IQGAP1: variants seen among roughly 807,000 people sequenced by gnomAD.
IQGAP1 encodes the protein IQ motif containing GTPase activating protein 1.
Under a neutral mutation model 215.6 loss-of-function variants are expected in IQGAP1, and 66 were observed. The ratio of observed to expected loss-of-function variants is 0.31; its 90% confidence interval spans 0.25 to 0.38. IQGAP1 has a LOEUF of 0.38. Among genes scored for constraint, IQGAP1 ranks in the 10% least tolerant of loss-of-function variants. The probability of loss-of-function intolerance (pLI) is 1.00; values close to 1 mark genes in which losing one functional copy is unlikely to be tolerated. For synonymous variants in IQGAP1, 772 were observed against 728.7 expected (o/e 1.06, Z -0.96); for missense variants, 1,712 against 1,997.1 (o/e 0.86, Z 2.72).
At chr15:90,474,223 G>T in intron 22 of IQGAP1, 90 bp downstream of exon 22, 3 of 1,194,992 alleles carry the variant, frequency 2.5e-6, no homozygotes, top group Non-Finnish European at 3.5e-6. Context: ...TTGTTATCCT[G>T]AAGGCAAGGC....
At chr15:90,475,022 G>A (rs570686303) in intron 23 of IQGAP1, among the ~76,000 whole-genome samples, 107 of 121,756 alleles carry the variant, frequency 8.8e-4, no homozygotes, top group Non-Finnish European at 1.5e-3. Context: ...TTTTGCTGAC[G>A]GAGTTTCCCT....
Position 90,462,099 on chromosome 15 carries a change from T to TGG in IQGAP1, c.1777-3901_1777-3900dup, listed in dbSNP as rs570217655. On this transcript the variant is annotated intron_variant, in intron 15 of 37. Transcript: ENST00000268182. ...AGGAGAATGGCATGAACCCAGGAGG[T>TGG]GGAGCTTGCAGTGAGCCAAGATCGG... 8.0e-5 allele frequency among the ~76,000 whole-genome samples: 12 copies of TGG among 149,462 alleles called. No individual in the cohort carries two copies. In the East Asian group the frequency reaches 2.4e-3, roughly 30 times the overall value.
chr15:90,442,709 C>T (rs1965468670), intron 8 of IQGAP1, among the ~76,000 whole-genome samples: 1 of 151,908 alleles, frequency 6.6e-6, no homozygotes, highest in African/African-American at 2.4e-5. Context: ...GATGTGCTGC[C>T]CCTAATCCCA....
intron 1 of IQGAP1, among the ~76,000 whole-genome samples, chr15:90,390,313 G>A (rs2440793): frequency 2.3e-4 from 35 of 152,332 alleles, no homozygotes; most frequent in African/African-American, 4.8e-4. Context: ...CAGTTTCTTC[G>A]TCTGTAAAAT....
intron 2 of IQGAP1, among the ~76,000 whole-genome samples, chr15:90,425,247 T>C (rs1264088599): frequency 1.3e-5 from 2 of 151,942 alleles, no homozygotes; most frequent in African/African-American, 4.8e-5. Context: ...GAGGCGGAGG[T>C]TGCAGTGAGC....
At chr15:90,434,582 A>G (rs949564890) in intron 5 of IQGAP1, among the ~76,000 whole-genome samples, 93 of 152,304 alleles carry the variant, frequency 6.1e-4, no homozygotes, top group African/African-American at 2.1e-3. Flanking sequence ...TCCCCAGAAC[A>G]CTAAATTAAA....
chr15:90,448,783 T>C, intron 10 of IQGAP1, 47 bp downstream of exon 10: 2 of 1,372,052 alleles, frequency 1.5e-6, no homozygotes, highest in Non-Finnish European at 1.9e-6. Context: ...ATATATCCAT[T>C]CGAATCCCAT....
chr15:90,437,737 G>A (rs887946849), intron 5 of IQGAP1, among the ~76,000 whole-genome samples: 5 of 151,950 alleles, frequency 3.3e-5, no homozygotes, highest in African/African-American at 9.7e-5. Context: ...GACAAGTCTT[G>A]CTATGTTGCT....
In IQGAP1 at chr15:90,491,556, CG is replaced by C; in HGVS notation, c.4461+16del. On this transcript the variant is annotated intron_variant, in intron 34 of 37. Coordinates refer to ENST00000268182, the MANE Select transcript of IQGAP1 (RefSeq NM_003870.4). ...AACGACATTGCCAGGGTACTGCATT[CG>C]GGGGACAGAGGGGACCCGGCCTTGT... 2 of 1,610,678 alleles carry C rather than the reference CG, an allele frequency of 1.2e-6. No individual in the cohort carries two copies. The highest frequency in any genetic ancestry group is 1.3e-5 in the African/African-American group (1 of 74,936).
At chr15:90,403,434 A>AT (rs945426037) in intron 2 of IQGAP1, among the ~76,000 whole-genome samples, 1 of 152,234 alleles carries the variant, frequency 6.6e-6, no homozygotes, top group Non-Finnish European at 1.5e-5. Flanking sequence ...AATTTAAAAC[A>AT]TTTTTTTCTT....
intron 31 of IQGAP1, chr15:90,486,604 G>A (rs1438921349): frequency 1.4e-5 from 3 of 214,964 alleles, no homozygotes; most frequent in Non-Finnish European, 2.8e-5. Flanking sequence ...ATGTTGCCCA[G>A]GCTGGTCTCG....
rs753673529 is a variant in IQGAP1, at chr15:90,491,310, G to A, written c.4249-23G>A. 11 of 1,605,584 alleles carry A rather than the reference G, an allele frequency of 6.9e-6. No individual in the cohort carries two copies. The East Asian group carries it at 2.5e-4, about 36-fold the overall frequency. On this transcript the variant is annotated intron_variant, in intron 33 of 37. Transcript: ENST00000268182. ...AGGATTAGTGTGGTAAACTTGCTAA[G>A]AACTTCTTTTTCCCATCCGTAGGAA...
At chr15:90,428,509 T>C (rs1246019684) in intron 3 of IQGAP1, among the ~76,000 whole-genome samples, 1 of 150,080 alleles carries the variant, frequency 6.7e-6, no homozygotes, top group Non-Finnish European at 1.5e-5. Flanking sequence ...CTGGGAGGAG[T>C]GGCTCATGCC....
At chr15:90,454,310 A>G in intron 13 of IQGAP1, 118 bp from the exon 14 acceptor site, 1 of 1,114,368 alleles carries the variant, frequency 9.0e-7, no homozygotes, top group Middle Eastern at 2.1e-4. Flanking sequence ...GTAACTGTGC[A>G]GTTCCAAAAC....
intron 9 of IQGAP1, among the ~76,000 whole-genome samples, chr15:90,444,285 A>ATT (rs1238901029): frequency 3.9e-5 from 4 of 101,338 alleles, no homozygotes; most frequent in South Asian, 3.3e-4. Context: ...GTGTGTATAT[A>ATT]TATATTTTTT....
chr15:90,411,861 C>G (rs1373724300), intron 2 of IQGAP1, among the ~76,000 whole-genome samples: 2 of 152,142 alleles, frequency 1.3e-5, no homozygotes, highest in African/African-American at 4.8e-5. Flanking sequence ...GATCTGAAGA[C>G]TTGATCAAGG....
At chr15:90,481,848 T>G (rs1254955767) in intron 26 of IQGAP1, 112 bp from the exon 27 acceptor site, 4 of 1,150,410 alleles carry the variant, frequency 3.5e-6, no homozygotes, top group South Asian at 1.5e-5. Context: ...GAGGATGAGC[T>G]TAAGCTATCT....
At chr15:90,401,386 A>G (rs1218239266) in intron 2 of IQGAP1, among the ~76,000 whole-genome samples, 1 of 152,230 alleles carries the variant, frequency 6.6e-6, no homozygotes, top group Non-Finnish European at 1.5e-5. Flanking sequence ...TCAATAAGGC[A>G]TTTTATTCTA....
At chr15:90,438,188 A>G (rs75045594) in intron 5 of IQGAP1, among the ~76,000 whole-genome samples, 20,935 of 152,150 alleles carry the variant, frequency 0.14, 2,402 homozygotes, top group East Asian at 0.46. Flanking sequence ...TATTTCTTAT[A>G]TATTTCTTAT....
Sources: allele counts gnomAD v4.1 joint callset (sites outside exome capture counted in the v4.1 genomes callset), GRCh38; gene constraint gnomAD v4.1.1; transcripts MANE v1.5; gene names NCBI Gene and HGNC (gene_info 2026-07-23, HGNC 2026-07-21).